The following EEF1D variants were observed in gnomAD, a reference collection of about 807,000 sequenced individuals.
EEF1D encodes the protein elongation factor 1-delta.
In EEF1D, 47 loss-of-function variants were observed where a neutral mutation model predicts 63.9. The ratio of observed to expected loss-of-function variants is 0.74; its 90% CI spans 0.58 to 0.94. EEF1D has a LOEUF of 0.94. EEF1D is among the 40% of genes least tolerant of loss of function. The probability of loss-of-function intolerance (pLI) is 0.00; values close to 1 mark genes in which losing one functional copy is unlikely to be tolerated. For synonymous variants in EEF1D, 412 were observed against 386.1 expected (o/e 1.07, Z -0.79); for missense variants, 907 against 899.0 (o/e 1.01, Z -0.11).
chr8:143,591,693 G>C (rs929670991), intron 2 of EEF1D, among the ~76,000 whole-genome samples: 1 of 152,248 alleles, frequency 6.6e-6, no homozygotes. Flanking sequence ...CCAGGGCACC[G>C]TGACTGGGAC....
chr8:143,584,072 T>C (rs1826068672), intron 5 of EEF1D: 2 of 152,234 alleles, frequency 1.3e-5, no homozygotes, highest in South Asian at 4.1e-4. Context: ...CCCCCGGAAC[T>C]GTAAGGTGAG....
In EEF1D at chr8:143,581,234, C is replaced by T. The variant is rs555518338; in HGVS notation, c.1382G>A (p.Arg461His). 5.0e-6 allele frequency: 8 copies of T among 1,612,800 alleles called. No individual in the cohort carries two copies. The highest frequency in any genetic ancestry group is 3.3e-5 in the Admixed American group (2 of 60,022). The change falls in exon 6 of 10, where the codon CGT becomes CAT. Residue 461 changes from arginine to histidine, a missense_variant. Arg to His is a conservative substitution (Grantham distance 29). Coordinates refer to ENST00000618139, the MANE Select transcript of EEF1D (RefSeq NM_001130053.5). ...CCACTGGCCCGGGGCCTCACCGCCA[C>T]GCAGACTCTGGTTCTCCACTTCCAG... ...ASLEVENQSL[R>H]GVVQELQQAI...
At chr8:143,587,000 AC>A (rs1322686291) in intron 3 of EEF1D, 148 bp from the exon 4 acceptor site, 19 of 1,080,150 alleles carry the variant, frequency 1.8e-5, no homozygotes, top group Non-Finnish European at 2.5e-5. Flanking sequence ...GTAAGCCCTC[AC>A]CCCACATGGC....
intron 1 of EEF1D, chr8:143,593,024 G>C (rs1362764243): frequency 6.6e-6 from 1 of 152,330 alleles, no homozygotes; most frequent in Non-Finnish European, 1.5e-5. Flanking sequence ...AAGGTAGCCT[G>C]AGACAAGATA....
At chr8:143,595,000 G>A (rs1174899106) in intron 1 of EEF1D, among the ~76,000 whole-genome samples, 1 of 152,166 alleles carries the variant, frequency 6.6e-6, no homozygotes, top group Non-Finnish European at 1.5e-5. Context: ...CCAACTCCCC[G>A]GTTCAAGCGA....
Position 143,592,650 on chromosome 8 carries a change from G to T in EEF1D, c.-4C>A, listed in dbSNP as rs1273096593. The T allele has an allele frequency of 2.0e-6, 2 of 985,452 alleles. No individual in the cohort carries two copies. The highest frequency in any genetic ancestry group is 2.3e-4 in the East Asian group (2 of 8,838). The allele number at this position is 985,452 out of a possible 1,614,324, so 61.0% of individuals were successfully genotyped here. On this transcript the variant is annotated 5_prime_UTR_variant, in exon 2 of 10. Transcript: ENST00000618139. ...ATGAGGACAGGCGAGTACTTACTTTGCTTTGGCCTCCTAGGACAGCATGAA... is the reference window on the plus strand; with the variant it reads ...ATGAGGACAGGCGAGTACTTACTTTTCTTTGGCCTCCTAGGACAGCATGAA...
chr8:143,581,631 G>C, intron 5 of EEF1D: 2 of 490,146 alleles, frequency 4.1e-6, no homozygotes, highest in Non-Finnish European at 7.3e-6. Flanking sequence ...GCCAGGCTCA[G>C]AGGCTGGGTG....
chr8:143,579,881 C>T (rs766987744), intron 9 of EEF1D, 51 bp from the exon 10 acceptor site: 11 of 1,537,632 alleles, frequency 7.2e-6, no homozygotes, highest in East Asian at 2.3e-5. Flanking sequence ...ACAGCCCACT[C>T]GGAGCCAGGA....
intron 1 of EEF1D, among the ~76,000 whole-genome samples, chr8:143,595,119 G>A (rs1338849505): frequency 1.2e-4 from 19 of 152,154 alleles, no homozygotes. Flanking sequence ...CACCAGGCTG[G>A]AGTGCAGTGG....
chr8:143,594,159 G>A (rs1350832760), intron 1 of EEF1D: 1 of 152,568 alleles, frequency 6.6e-6, no homozygotes, highest in Non-Finnish European at 1.5e-5. Flanking sequence ...TGGCCAAAGT[G>A]TCCCTACTCT....
Position 143,589,259 on chromosome 8 carries a change from G to A in EEF1D, c.823C>T (p.Arg275Cys), listed in dbSNP as rs965943882. 9 of 1,585,880 alleles carry A rather than the reference G, an allele frequency of 5.7e-6. No homozygotes were observed. Among genetic ancestry groups the A allele is most frequent in the African/African-American group, 4.0e-5 (3 of 74,420 alleles). ...AGLAEGARRG[R>C]RDRRGRNILG... ...ATGTTGCGGCCCCGCCGGTCTCTGC[G>A]GCCCCGCCGGGCACCCTCGGCCAGG... Residue 275 changes from arginine to cysteine, a missense_variant, in exon 3 of 10, where the codon CGC (arginine) becomes TGC (cysteine). Transcript: ENST00000618139.
rs773066887 is a variant in EEF1D, at chr8:143,580,169, C to A, written c.1748G>T (p.Cys583Phe). The A allele has an allele frequency of 6.2e-7, 1 of 1,613,794 alleles. No homozygotes were observed. Among genetic ancestry groups the A allele is most frequent in the Non-Finnish European group, 8.5e-7 (1 of 1,180,018 alleles). Reference protein sequence around the residue: ...DETDMAQLEACVRSIQLDGLV... With the variant: ...DETDMAQLEAFVRSIQLDGLV... ...CCCGTCCAGCTGGATAGAGCGCACA[C>A]AGGCCTCCAGCTGGGCCATGTCCGT... The change falls in exon 9 of 10, where the codon TGT becomes TTT. Residue 583 changes from cysteine (C) to phenylalanine (F), a missense_variant. By Grantham distance (205) the Cys-to-Phe change is radical. Transcript: ENST00000618139.
At chr8:143,592,339 G>A in intron 2 of EEF1D, 2 of 936,108 alleles carry the variant, frequency 2.1e-6, no homozygotes, top group Non-Finnish European at 2.5e-6. Flanking sequence ...CCGCCGCTCA[G>A]GGAGGGGAAG....
chr8:143,589,447 G>C lies in EEF1D; in HGVS notation c.635C>G (p.Pro212Arg). ...GGGCTGGCCATTGACCGGTGGGCTG[G>C]GCTGGTGGGCCAGGTCGGGGACGGC... is the stretch of plus-strand genomic sequence containing the variant. ...QVAVPDLAHQ[P>R]SPPVNGQPPL... The change falls in exon 3 of 10, where the codon CCC (proline) becomes CGC (arginine). Residue 212 changes from proline to arginine, a missense_variant. Coordinates refer to ENST00000618139, the MANE Select transcript of EEF1D (RefSeq NM_001130053.5). 1 of 1,531,524 alleles carries C rather than the reference G, an allele frequency of 6.5e-7. No homozygotes were observed. The highest frequency in any genetic ancestry group is 2.4e-5 in the East Asian group (1 of 41,492). 94.9% of individuals were successfully genotyped at this position (1,531,524 alleles called of 1,614,324 possible).
In EEF1D at chr8:143,580,531, G is replaced by T. The variant is rs756955965; in HGVS notation, c.1685C>A (p.Ser562Tyr). ...AGGCTTGACATCCAGCAGGATGGAG[G>T]ACTTGGCCACCAGTGCAGGCTTCTT... ...KAKKPALVAK[S>Y]SILLDVKPWD... The change falls in exon 8 of 10, where the codon TCC becomes TAC. Residue 562 changes from serine (S) to tyrosine (Y), a missense_variant. Transcript: ENST00000618139. 1.2e-6 allele frequency: 2 copies of T among 1,612,918 alleles called. No homozygotes were observed. Among genetic ancestry groups the T allele is most frequent in the Non-Finnish European group, 1.7e-6 (2 of 1,179,848 alleles).
chr8:143,581,144 C>T lies in EEF1D; in HGVS notation c.1398G>A (p.Glu466=). ...ENQSLRGVVQ[E]LQQAISKLEA... ...CCAGCTTGGAGATGGCCTGCTGCAG[C>T]TCCTGTACCACTGGGGGGGCAAGGG... The change falls in exon 7 of 10, where the codon GAG becomes GAA. Residue 466 remains glutamate, a synonymous_variant. Transcript: ENST00000618139. The T allele has an allele frequency of 6.2e-7, 1 of 1,613,014 alleles. No individual in the cohort carries two copies. Among genetic ancestry groups the T allele is most frequent in the South Asian group, 1.1e-5 (1 of 91,080 alleles).
At chr8:143,580,860 C>T in intron 7 of EEF1D, 133 bp from the exon 8 acceptor site, 1 of 1,188,300 alleles carries the variant, frequency 8.4e-7, no homozygotes, top group Non-Finnish European at 1.2e-6. Context: ...CAGCTGTGTA[C>T]ATGCAGGGCC....
intron 1 of EEF1D, among the ~76,000 whole-genome samples, chr8:143,595,680 C>G (rs1277273899): frequency 2.0e-5 from 3 of 149,652 alleles, no homozygotes; most frequent in African/African-American, 7.3e-5. Context: ...CCCGCCCCAA[C>G]CACGTCTTTT....
rs1340040821 is a variant in EEF1D, at chr8:143,589,558, C to T, written c.524G>A (p.Arg175Gln). The stretch of plus-strand genomic sequence containing the variant: ...GGCCTGAGACCACTCCACGAAGGCC[C>T]GCTCAGCCTGGTCGAAGGAGGACTT... ...VNKSSFDQAERAFVEWSQALL... is the reference protein window; with the variant it reads ...VNKSSFDQAEQAFVEWSQALL... Residue 175 changes from arginine (R) to glutamine (Q), a missense_variant, in exon 3 of 10, where the codon CGG (arginine) becomes CAG (glutamine). Physicochemically the swap from Arg to Gln is conservative, Grantham distance 43. Coordinates refer to ENST00000618139, the MANE Select transcript of EEF1D (RefSeq NM_001130053.5). 7 of 1,513,866 alleles carry T rather than the reference C, an allele frequency of 4.6e-6. No individual in the cohort carries two copies. Among genetic ancestry groups the T allele is most frequent in the East Asian group, 2.3e-5 (1 of 43,474 alleles). 93.8% of individuals were successfully genotyped at this position (1,513,866 alleles called of 1,614,324 possible). A position where few individuals can be genotyped will look rare whatever the true frequency, so the allele number is the denominator to read the frequency against.
Sources: gnomAD v4.1 joint callset for allele counts (sites outside exome capture counted in the v4.1 genomes callset) on GRCh38, gnomAD v4.1.1 for gene constraint, MANE v1.5 for transcripts, NCBI Gene and HGNC (gene_info 2026-07-23, HGNC 2026-07-21) for gene names.